The following WDFY3 variants were observed in gnomAD, a reference collection of about 807,000 sequenced individuals.
WDFY3 encodes the protein WD repeat and FYVE domain-containing protein 3.
Under a neutral mutation model 409.6 loss-of-function variants are expected in WDFY3, and 66 were observed. That is an observed-to-expected ratio of 0.16 (90% CI 0.13 to 0.20). The LOEUF is 0.20. WDFY3 is among the 10% of genes least tolerant of loss of function. The pLI is 1.00. For missense variants in WDFY3, 3,031 were observed against 4,298.1 expected, an observed-to-expected ratio of 0.71 and a Z score of 8.24; for synonymous variants, 1,521 against 1,537.1, an observed-to-expected ratio of 0.99 and a Z score of 0.25.
At chr4:84,788,491 A>C (rs1379251855) in intron 22 of WDFY3, among the ~76,000 whole-genome samples, 1 of 152,230 alleles carries the variant, frequency 6.6e-6, no homozygotes, top group Non-Finnish European at 1.5e-5. Context: ...TGACACTAAA[A>C]TTAATGAAGG....
At chr4:84,817,812 C>A (rs1467290057) in intron 12 of WDFY3, among the ~76,000 whole-genome samples, 1 of 152,100 alleles carries the variant, frequency 6.6e-6, no homozygotes, top group Non-Finnish European at 1.5e-5. Context: ...AAGATTAATG[C>A]CGTGATATGT....
At chr4:84,820,271 T>C in intron 11 of WDFY3, 85 bp from the exon 12 acceptor site, 1 of 1,109,568 alleles carries the variant, frequency 9.0e-7, no homozygotes, top group East Asian at 2.5e-5. Context: ...ATTTCTTTAT[T>C]TCTTCAGTAT....
At chr4:84,862,155 G>A (rs1364913480) in intron 3 of WDFY3, among the ~76,000 whole-genome samples, 4 of 152,204 alleles carry the variant, frequency 2.6e-5, no homozygotes, top group East Asian at 1.9e-4. Context: ...AATTTTGAGT[G>A]AATTCCATAC....
At chr4:84,731,849 C>T (rs577131765) in intron 44 of WDFY3, among the ~76,000 whole-genome samples, 1 of 152,240 alleles carries the variant, frequency 6.6e-6, no homozygotes, top group African/African-American at 2.4e-5. Flanking sequence ...TCAGTTAAAT[C>T]TAAACAGTGA....
chr4:84,798,734 ATAT>A (rs1749953672), intron 17 of WDFY3, among the ~76,000 whole-genome samples: 1 of 152,120 alleles, frequency 6.6e-6, no homozygotes, highest in Non-Finnish European at 1.5e-5. Context: ...CACCCAGACC[ATAT>A]TATTTTACTA....
At chr4:84,776,339 G>T (rs866560251) in intron 27 of WDFY3, among the ~76,000 whole-genome samples, 9 of 151,896 alleles carry the variant, frequency 5.9e-5, no homozygotes, top group Admixed American at 3.3e-4. Flanking sequence ...CTAAAAATTT[G>T]GTAAATTAGG....
intron 7 of WDFY3, 134 bp downstream of exon 7, chr4:84,836,795 T>C: frequency 5.2e-6 from 4 of 772,892 alleles, no homozygotes; most frequent in Non-Finnish European, 7.3e-6. Context: ...GTGACAATTA[T>C]ATGAGATAAA....
chr4:84,857,024 T>A (rs1215287855), intron 4 of WDFY3, among the ~76,000 whole-genome samples: 1 of 152,224 alleles, frequency 6.6e-6, no homozygotes, highest in East Asian at 1.9e-4. Flanking sequence ...AGAATTATTT[T>A]TAAAATAATA....
Position 84,702,438 on chromosome 4 carries a change from C to T in WDFY3, c.8511G>A (p.Lys2837=), listed in dbSNP as rs1731202424. ...SVREAWYSAS[K]HNMADVKELI... is the part of the protein sequence containing the mutation. Reference sequence around the variant, plus strand: ...GTTCTTTTACATCTGCCATATTGTGCTTTGACGCTGAATACCAGGCCTCGC... The same window carrying T: ...GTTCTTTTACATCTGCCATATTGTGTTTTGACGCTGAATACCAGGCCTCGC... The change falls in exon 56 of 68, where the codon AAG becomes AAA. Residue 2837 remains lysine (K), a synonymous_variant. Coordinates refer to ENST00000295888, the MANE Select transcript of WDFY3 (RefSeq NM_014991.6). 1 of 1,613,888 alleles carries T rather than the reference C, an allele frequency of 6.2e-7. No individual in the cohort carries two copies. Among genetic ancestry groups the T allele is most frequent in the East Asian group, 2.2e-5 (1 of 44,858 alleles).
rs188004016 is a variant in WDFY3 at position 84,863,930 on chromosome 4, T to A, written c.-31-3308A>T. Among the ~76,000 whole-genome samples, 817 of 152,332 alleles carry A rather than the reference T, an allele frequency of 5.4e-3. 34 individuals carry two copies. The highest frequency in any genetic ancestry group is 0.049 in the Admixed American group (743 of 15,294). Reference sequence around the variant, plus strand: ...TGTTTTCATGCCAGTACCATACTATTAAGATTACTGTAGCTTTGTAATATA... The same window carrying A: ...TGTTTTCATGCCAGTACCATACTATAAAGATTACTGTAGCTTTGTAATATA... On this transcript the variant is annotated intron_variant, in intron 3 of 67. Transcript: ENST00000295888.
In WDFY3 at chr4:84,871,832, G is replaced by T. The variant is rs1002760909; in HGVS notation, c.-31-11210C>A. 4.6e-5 allele frequency among the ~76,000 whole-genome samples: 7 copies of T among 152,146 alleles called. No homozygotes were observed. The East Asian group carries it at 1.2e-3, about 25-fold the overall frequency. On this transcript the variant is annotated intron_variant, in intron 3 of 67. Transcript: ENST00000295888. The stretch of plus-strand genomic sequence containing the variant: ...GTATTTTCTGTAGAGCTAGGTATTT[G>T]CCATGTTTCCCAGGCTAGTCTCAAA...
At chr4:84,906,095 T>C (rs1767003002) in intron 2 of WDFY3, among the ~76,000 whole-genome samples, 1 of 152,236 alleles carries the variant, frequency 6.6e-6, no homozygotes, top group Admixed American at 6.5e-5. Context: ...GTCTGTTTTG[T>C]TTACTTATAT....
intron 2 of WDFY3, among the ~76,000 whole-genome samples, chr4:84,914,008 C>G (rs938398561): frequency 2.0e-5 from 3 of 152,106 alleles, no homozygotes; most frequent in African/African-American, 7.2e-5. Context: ...ATTTTCTCTT[C>G]CTGATGATTT....
intron 44 of WDFY3, 87 bp downstream of exon 44, chr4:84,733,295 G>A (rs879033639): frequency 1.4e-6 from 2 of 1,379,390 alleles, no homozygotes; most frequent in East Asian, 4.6e-5. Context: ...GCTATTTGAG[G>A]TAATTGACTA....
chr4:84,914,120 C>A (rs556129930), intron 2 of WDFY3, among the ~76,000 whole-genome samples: 1 of 152,126 alleles, frequency 6.6e-6, no homozygotes, highest in Non-Finnish European at 1.5e-5. Flanking sequence ...GGTGGTAAGC[C>A]TTCAACAGTA....
At chr4:84,850,926 CTGTTTTTTTTTTT>C (rs1758854129) in intron 4 of WDFY3, among the ~76,000 whole-genome samples, 4 of 32,146 alleles carry the variant, frequency 1.2e-4, no homozygotes, top group African/African-American at 4.9e-4. Context: ...TTTTATTTAT[CTGTTTTTTTTTTT>C]TTTTTTTTTT....
chr4:84,912,284 C>G (rs144423684), intron 2 of WDFY3, among the ~76,000 whole-genome samples: 2 of 152,136 alleles, frequency 1.3e-5, no homozygotes, highest in African/African-American at 4.8e-5. Flanking sequence ...CAGCTGCCGA[C>G]TATTTCAAGA....
In WDFY3 at chr4:84,831,528, A is replaced by G; in HGVS notation, c.654T>C (p.Ser218=). 1 of 1,614,126 alleles carries G rather than the reference A, an allele frequency of 6.2e-7. No individual in the cohort carries two copies. The highest frequency in any genetic ancestry group is 1.1e-5 in the South Asian group (1 of 91,082). Residue 218 remains serine, a synonymous_variant, in exon 8 of 68, where the codon AGT becomes AGC. Coordinates refer to ENST00000295888, the MANE Select transcript of WDFY3 (RefSeq NM_014991.6). ...AQKDDLQLLF[S]AITSWCPPYN... The stretch of plus-strand genomic sequence containing the variant: ...AGGGAGGGCACCAAGAGGTTATTGC[A>G]CTGAATAGAAGCTGGAGATCATCTT...
chr4:84,860,512 T>A lies in WDFY3; in HGVS notation c.80A>T (p.His27Leu). 1.2e-6 allele frequency: 2 copies of A among 1,614,044 alleles called. No individual in the cohort carries two copies. Among genetic ancestry groups the A allele is most frequent in the Non-Finnish European group, 1.7e-6 (2 of 1,179,976 alleles). ...CAACTCCGTGAAGAGCCGGCGGAGG[T>A]GCATCAGTCCTAAGGCGTTGTCTTG... is the stretch of plus-strand genomic sequence containing the variant. ...SPQDNALGLM[H>L]LRRLFTELCH... is the part of the protein sequence containing the mutation. Residue 27 changes from histidine to leucine, a missense_variant, in exon 4 of 68, where the codon CAC becomes CTC. This residue lies in a region of WDFY3 where 1,322 missense variants were observed against 1,697.9 expected (regional missense o/e 0.78). Coordinates refer to ENST00000295888, the MANE Select transcript of WDFY3 (RefSeq NM_014991.6).
Sources: gnomAD v4.1 joint callset for allele counts (sites outside exome capture counted in the v4.1 genomes callset) on GRCh38, gnomAD v4.1.1 for gene constraint, gnomAD v4.1.1 regional missense constraint, MANE v1.5 for transcripts, NCBI Gene and HGNC (gene_info 2026-07-23, HGNC 2026-07-21) for gene names.